Variants in ADK observed in about 807,000 individuals in gnomAD.
ADK encodes adenosine kinase.
A neutral mutation model predicts 44.7 loss-of-function variants in ADK; 24 were observed. The ratio of observed to expected loss-of-function variants is 0.54; its 90% CI spans 0.39 to 0.76. The LOEUF (loss-of-function observed/expected upper bound fraction) is 0.76. Among genes scored for constraint, ADK ranks in the 30% least tolerant of loss-of-function variants. The pLI is 0.00. For missense variants in ADK, 321 were observed against 425.1 expected (o/e 0.76, Z 2.15); for synonymous variants, 128 against 142.6 (o/e 0.90, Z 0.73).
intron 7 of ADK, among the ~76,000 whole-genome samples, chr10:74,575,059 A>C (rs1455672939): frequency 6.6e-6 from 1 of 152,226 alleles, no homozygotes; most frequent in East Asian, 1.9e-4. Flanking sequence ...AGACCACTAA[A>C]GTCAGTCAAC....
Position 74,180,559 on chromosome 10 carries a change from T to C in ADK, c.66-20205T>C, listed in dbSNP as rs185768906. ...CTTGAAGCTCCGCCTCCTGGGTTCATGCCATTCTCCTGCCTCAGCCTCTCT... is the reference window on the plus strand; with the variant it reads ...CTTGAAGCTCCGCCTCCTGGGTTCACGCCATTCTCCTGCCTCAGCCTCTCT... On this transcript the variant is annotated intron_variant, in intron 1 of 10. Coordinates refer to ENST00000539909, the MANE Select transcript of ADK (RefSeq NM_006721.4). Among the ~76,000 whole-genome samples, 1,031 of 147,378 alleles carry C rather than the reference T, an allele frequency of 7.0e-3. 6 individuals are homozygous for C. The highest frequency in any genetic ancestry group is 0.012 in the Non-Finnish European group (808 of 66,928).
chr10:74,362,378 T>G (rs1013271243), intron 4 of ADK, among the ~76,000 whole-genome samples: 1 of 152,134 alleles, frequency 6.6e-6, no homozygotes, highest in Non-Finnish European at 1.5e-5. Context: ...AATTTTTTTT[T>G]TTTAGTTGCA....
At chr10:74,667,444 G>A (rs72820515) in intron 9 of ADK, among the ~76,000 whole-genome samples, 2,599 of 147,152 alleles carry the variant, frequency 0.018, 66 homozygotes, top group African/African-American at 0.06. Flanking sequence ...GTGTGTGTGT[G>A]TATATATATA....
chr10:74,682,339 G>A (rs1183603153), intron 10 of ADK, among the ~76,000 whole-genome samples: 2 of 152,136 alleles, frequency 1.3e-5, no homozygotes, highest in Non-Finnish European at 1.5e-5. Flanking sequence ...GAAGGAATAA[G>A]AAGTTATTCT....
chr10:74,190,831 G>T (rs1842930252), intron 1 of ADK, among the ~76,000 whole-genome samples: 1 of 152,146 alleles, frequency 6.6e-6, no homozygotes, highest in Non-Finnish European at 1.5e-5. Flanking sequence ...CCTGGAGCTG[G>T]GAAGAGGGGC....
At chr10:74,541,794 A>ACCCC (rs543189156) in intron 7 of ADK, among the ~76,000 whole-genome samples, 18 of 63,800 alleles carry the variant, frequency 2.8e-4, no homozygotes, top group South Asian at 7.6e-4. Context: ...ACCCCCACAC[A>ACCCC]CCCCCCCCCC....
chr10:74,701,305 A>G (rs1267669719), intron 10 of ADK, among the ~76,000 whole-genome samples: 1 of 152,224 alleles, frequency 6.6e-6, no homozygotes, highest in East Asian at 1.9e-4. Flanking sequence ...GTATACAGTT[A>G]TGGATGTAAG....
chr10:74,573,847 A>T (rs1206971398), intron 7 of ADK, among the ~76,000 whole-genome samples: 1 of 152,128 alleles, frequency 6.6e-6, no homozygotes. Flanking sequence ...GCCATTTTTT[A>T]AGCCTGTTGG....
rs539984562 is a variant in ADK at position 74,599,329 on chromosome 10, C to G, written c.763-1050C>G. Among the ~76,000 whole-genome samples the G allele has an allele frequency of 8.3e-4, 126 of 152,304 alleles. 1 individual carries two copies. The highest frequency in any genetic ancestry group is 3.4e-3 in the Middle Eastern group (1 of 294). ...AATATTTCACCACTAATTGTCATCCCTTTAAAAATGCCAGTTTCTGGTGAC... is the reference window on the plus strand; with the variant it reads ...AATATTTCACCACTAATTGTCATCCGTTTAAAAATGCCAGTTTCTGGTGAC... On this transcript the variant is annotated intron_variant, in intron 8 of 10. Coordinates refer to ENST00000539909, the MANE Select transcript of ADK (RefSeq NM_006721.4).
At chr10:74,416,202 GACA>G (rs528884846) in intron 6 of ADK, among the ~76,000 whole-genome samples, 6 of 151,872 alleles carry the variant, frequency 4.0e-5, no homozygotes, top group South Asian at 2.1e-4. Context: ...AAAATGAGAG[GACA>G]ACGTTTTTCC....
chr10:74,496,162 A>G (rs185014143), intron 6 of ADK, among the ~76,000 whole-genome samples: 63 of 152,320 alleles, frequency 4.1e-4, no homozygotes, highest in Non-Finnish European at 6.9e-4. Flanking sequence ...GCTGGAGTGC[A>G]GTAATGCAGT....
At chr10:74,667,429 A>G (rs1290461303) in intron 9 of ADK, among the ~76,000 whole-genome samples, 1 of 151,698 alleles carries the variant, frequency 6.6e-6, no homozygotes. Flanking sequence ...AAGTATCTCA[A>G]TGATGTGTGT....
chr10:74,159,071 G>T (rs887422391), intron 1 of ADK, among the ~76,000 whole-genome samples: 1 of 152,280 alleles, frequency 6.6e-6, no homozygotes, highest in East Asian at 1.9e-4. Context: ...TCATTTATGT[G>T]TATTATTTCT....
chr10:74,507,401 C>T (rs1848123175), intron 6 of ADK, among the ~76,000 whole-genome samples: 2 of 151,844 alleles, frequency 1.3e-5, no homozygotes, highest in Admixed American at 1.3e-4. Flanking sequence ...TCGCTTGAGC[C>T]CAGGAGTTTG....
In ADK at chr10:74,169,087, C is replaced by T. The variant is rs185809639; in HGVS notation, c.65+17744C>T. Reference sequence around the variant, plus strand: ...CCAAAAAATTAGCTGGGCATGGTGGCGTGCATATGTGGTCCCAGCCGCTCA... The same window carrying T: ...CCAAAAAATTAGCTGGGCATGGTGGTGTGCATATGTGGTCCCAGCCGCTCA... On this transcript the variant is annotated intron_variant, in intron 1 of 10. Coordinates refer to ENST00000539909, the MANE Select transcript of ADK (RefSeq NM_006721.4). Among the ~76,000 whole-genome samples, 306 of 152,058 alleles carry T rather than the reference C, an allele frequency of 2.0e-3. 1 individual carries two copies. The highest frequency in any genetic ancestry group is 0.01 in the Middle Eastern group (3 of 294).
intron 6 of ADK, among the ~76,000 whole-genome samples, chr10:74,460,693 A>C (rs1564734968): frequency 6.6e-6 from 1 of 152,180 alleles, no homozygotes; most frequent in Non-Finnish European, 1.5e-5. Context: ...ACTGTAGTAT[A>C]TGTAAGATTG....
At chr10:74,677,443 A>G (rs1179293685) in intron 10 of ADK, among the ~76,000 whole-genome samples, 2 of 152,140 alleles carry the variant, frequency 1.3e-5, no homozygotes, top group South Asian at 2.1e-4. Flanking sequence ...TTTGGTCCCA[A>G]ACATTTATAG....
At chr10:74,573,576 G>A (rs1204987347) in intron 7 of ADK, among the ~76,000 whole-genome samples, 1 of 152,198 alleles carries the variant, frequency 6.6e-6, no homozygotes, top group Non-Finnish European at 1.5e-5. Context: ...GGTTACTGCT[G>A]TCTTTTTGTT....
intron 7 of ADK, among the ~76,000 whole-genome samples, chr10:74,547,124 C>T (rs1849849059): frequency 6.6e-6 from 1 of 152,000 alleles, no homozygotes; most frequent in Admixed American, 6.5e-5. Flanking sequence ...GTACAGAGTT[C>T]TCTCCTACTA....
Sources: allele counts gnomAD v4.1 joint callset (sites outside exome capture counted in the v4.1 genomes callset), GRCh38; gene constraint gnomAD v4.1.1; transcripts MANE v1.5; gene names NCBI Gene and HGNC (gene_info 2026-07-23, HGNC 2026-07-21).